The following RALGAPA2 variants were observed in gnomAD, a reference collection of about 807,000 sequenced individuals.
RALGAPA2 encodes Ral GTPase activating protein catalytic subunit alpha 2, also known as ral GTPase-activating protein subunit alpha-2.
A neutral mutation model predicts 230.4 loss-of-function variants in RALGAPA2; 139 were observed. That is an observed-to-expected ratio of 0.60 (90% CI 0.53 to 0.69). The LOEUF is 0.69. RALGAPA2 is among the 30% of genes least tolerant of loss of function. The probability of loss-of-function intolerance (pLI) is 0.00; values close to 1 mark genes in which losing one functional copy is unlikely to be tolerated. For synonymous variants in RALGAPA2, 847 were observed against 837.8 expected, an observed-to-expected ratio of 1.01 and a Z score of -0.19; for missense variants, 2,163 against 2,276.0, an observed-to-expected ratio of 0.95 and a Z score of 1.01.
Position 20,583,143 on chromosome 20 carries a change from C to T in RALGAPA2, c.2614G>A (p.Asp872Asn), listed in dbSNP as rs772354794. 4.6e-5 allele frequency: 75 copies of T among 1,613,624 alleles called. No homozygotes were observed. The highest frequency in any genetic ancestry group is 6.3e-5 in the Non-Finnish European group (74 of 1,179,740). The part of the protein sequence containing the change: ...SMGPWQTCEE[D>N]PELNTPTDVV... The stretch of plus-strand genomic sequence containing the variant: ...TCTGTGGGAGTATTCAGTTCTGGGT[C>T]TTCCTCACAGGTCTGCCATGGGCCC... The change falls in exon 20 of 40, where the codon GAC (aspartate) becomes AAC (asparagine). Residue 872 changes from aspartate (D) to asparagine (N), a missense_variant. By Grantham distance (23) the Asp-to-Asn change is conservative. Coordinates refer to ENST00000202677, the MANE Select transcript of RALGAPA2 (RefSeq NM_020343.4).
intron 23 of RALGAPA2, among the ~76,000 whole-genome samples, chr20:20,548,124 T>TA (rs2063823617): frequency 1.3e-5 from 2 of 148,206 alleles, no homozygotes; most frequent in African/African-American, 5.2e-5. Flanking sequence ...AAGCAAAATC[T>TA]CCACACACAC....
At chr20:20,694,670 T>A (rs1473346683) in intron 1 of RALGAPA2, among the ~76,000 whole-genome samples, 1 of 152,210 alleles carries the variant, frequency 6.6e-6, no homozygotes, top group Non-Finnish European at 1.5e-5. Flanking sequence ...ATGTAATTCT[T>A]CACTTACTGA....
At chr20:20,696,173 C>T (rs2069107054) in intron 1 of RALGAPA2, among the ~76,000 whole-genome samples, 1 of 152,162 alleles carries the variant, frequency 6.6e-6, no homozygotes, top group South Asian at 2.1e-4. Context: ...CATCACTACT[C>T]GCTGCTGCAG....
chr20:20,435,784 G>A (rs2123010731), intron 37 of RALGAPA2, among the ~76,000 whole-genome samples: 1 of 152,340 alleles, frequency 6.6e-6, no homozygotes, highest in Non-Finnish European at 1.5e-5. Context: ...CCCCGACACT[G>A]GGATGTGTCT....
intron 35 of RALGAPA2, among the ~76,000 whole-genome samples, chr20:20,496,006 C>T (rs987500664): frequency 2.6e-5 from 4 of 152,240 alleles, no homozygotes; most frequent in African/African-American, 4.8e-5. Flanking sequence ...ACCACCTACC[C>T]GAGGATGCAT....
chr20:20,465,400 T>A (rs1246179487), intron 37 of RALGAPA2, among the ~76,000 whole-genome samples: 1 of 152,042 alleles, frequency 6.6e-6, no homozygotes, highest in Non-Finnish European at 1.5e-5. Context: ...GGGTGGGGTA[T>A]AGCAGAGTGG....
intron 23 of RALGAPA2, among the ~76,000 whole-genome samples, chr20:20,550,137 C>A (rs2063882930): frequency 6.6e-6 from 1 of 152,102 alleles, no homozygotes; most frequent in African/African-American, 2.4e-5. Flanking sequence ...ATCCCTCATC[C>A]CCTTCCACCC....
At chr20:20,431,722 T>C (rs1015058160) in intron 37 of RALGAPA2, among the ~76,000 whole-genome samples, 13 of 152,216 alleles carry the variant, frequency 8.5e-5, no homozygotes, top group African/African-American at 3.1e-4. Flanking sequence ...TAAATGTAAG[T>C]ATGTGAAGTA....
intron 37 of RALGAPA2, among the ~76,000 whole-genome samples, chr20:20,438,901 G>A (rs999142663): frequency 6.6e-6 from 1 of 152,170 alleles, no homozygotes; most frequent in Non-Finnish European, 1.5e-5. Context: ...GCGTAAAATT[G>A]TGTTGTTCTT....
intron 23 of RALGAPA2, among the ~76,000 whole-genome samples, chr20:20,559,364 T>C (rs2064184546): frequency 6.6e-6 from 1 of 152,108 alleles, no homozygotes. Context: ...CTCTCAAGAA[T>C]GGCTGAAATT....
intron 35 of RALGAPA2, among the ~76,000 whole-genome samples, chr20:20,502,785 G>A (rs2062414869): frequency 6.6e-6 from 1 of 152,180 alleles, no homozygotes; most frequent in Non-Finnish European, 1.5e-5. Context: ...CTGATTAGAG[G>A]CTTCCTTCCC....
chr20:20,496,523 G>T (rs1010295311), intron 35 of RALGAPA2, among the ~76,000 whole-genome samples: 1 of 152,172 alleles, frequency 6.6e-6, no homozygotes, highest in Non-Finnish European at 1.5e-5. Context: ...AACTGCAGAA[G>T]GATGCTCTCT....
rs1463814268 is a variant in RALGAPA2 at position 20,572,874 on chromosome 20, C to T, written c.2901+1G>A. The T allele has an allele frequency of 1.3e-6, 2 of 1,519,730 alleles. No homozygotes were observed. Among genetic ancestry groups the T allele is most frequent in the Non-Finnish European group, 1.8e-6 (2 of 1,125,812 alleles). 94.1% of individuals were successfully genotyped at this position (1,519,730 alleles called of 1,614,324 possible). Reference sequence around the variant, plus strand: ...ATAAAAAGTAACATAGCAGAACTTACCTTTGCTAGTTTGTACCAGAGTTCA... The same window carrying T: ...ATAAAAAGTAACATAGCAGAACTTATCTTTGCTAGTTTGTACCAGAGTTCA... On this transcript the variant is annotated splice_donor_variant, in intron 21 of 39. Coordinates refer to ENST00000202677, the MANE Select transcript of RALGAPA2 (RefSeq NM_020343.4). LOFTEE classifies it high-confidence loss of function.
chr20:20,618,970 T>A (rs1333641952), intron 12 of RALGAPA2, among the ~76,000 whole-genome samples: 1 of 152,240 alleles, frequency 6.6e-6, no homozygotes, highest in South Asian at 2.1e-4. Context: ...CATAAGTGTT[T>A]GGAAGATAAT....
intron 23 of RALGAPA2, among the ~76,000 whole-genome samples, chr20:20,567,645 G>C (rs2064475989): frequency 6.6e-6 from 1 of 152,104 alleles, no homozygotes; most frequent in Non-Finnish European, 1.5e-5. Context: ...TTTTTAGCCT[G>C]TGGCACTGGG....
intron 31 of RALGAPA2, among the ~76,000 whole-genome samples, chr20:20,519,286 T>A (rs2062966345): frequency 6.6e-6 from 1 of 152,186 alleles, no homozygotes; most frequent in Admixed American, 6.5e-5. Context: ...TTTAAGCCCT[T>A]GCTCATGACT....
At chr20:20,518,122 C>T (rs1208361616) in intron 31 of RALGAPA2, among the ~76,000 whole-genome samples, 1 of 151,936 alleles carries the variant, frequency 6.6e-6, no homozygotes, top group Non-Finnish European at 1.5e-5. Flanking sequence ...GTGGTGCGAT[C>T]GTGGCTCATT....
In RALGAPA2 at chr20:20,513,230, G is replaced by A. The variant is rs760830038; in HGVS notation, c.4139C>T (p.Ala1380Val). The change falls in exon 32 of 40, where the codon GCC (alanine) becomes GTC (valine). Residue 1380 changes from alanine (A) to valine (V), a missense_variant. By Grantham distance (64) the Ala-to-Val change is moderately conservative. Coordinates refer to ENST00000202677, the MANE Select transcript of RALGAPA2 (RefSeq NM_020343.4). Reference sequence around the variant, plus strand: ...GTGCCCCAGGTGGTTCACCAGGTGGGCCATCACCATTCGAGCAGTCAAAGG... The same window carrying A: ...GTGCCCCAGGTGGTTCACCAGGTGGACCATCACCATTCGAGCAGTCAAAGG... ...LIPLTARMVMAHLVNHLGHYP... is the reference protein window; with the variant it reads ...LIPLTARMVMVHLVNHLGHYP... The A allele has an allele frequency of 6.6e-7, 1 of 1,510,686 alleles. No homozygotes were observed. The highest frequency in any genetic ancestry group is 8.8e-7 in the Non-Finnish European group (1 of 1,131,658). 93.6% of individuals were successfully genotyped at this position (1,510,686 alleles called of 1,614,324 possible).
intron 1 of RALGAPA2, among the ~76,000 whole-genome samples, chr20:20,695,070 C>A (rs1292834679): frequency 6.6e-6 from 1 of 152,214 alleles, no homozygotes; most frequent in East Asian, 1.9e-4. Flanking sequence ...ATCATGACAC[C>A]AGGCCATACT....
Sources: gnomAD v4.1 joint callset for allele counts (sites outside exome capture counted in the v4.1 genomes callset) on GRCh38, gnomAD v4.1.1 for gene constraint, MANE v1.5 for transcripts, NCBI Gene and HGNC (gene_info 2026-07-23, HGNC 2026-07-21) for gene names.